TMPRSS11D: variants seen among roughly 807,000 people sequenced by gnomAD.
The protein encoded by TMPRSS11D is transmembrane serine protease 11D.
TMPRSS11D carries 32 observed loss-of-function variants against 44.4 expected under a neutral mutation model. That is an observed-to-expected ratio of 0.72 (90% CI 0.54 to 0.97). The LOEUF (loss-of-function observed/expected upper bound fraction) is 0.97, where lower values mean the gene tolerates loss of function less well. Ranked by LOEUF, TMPRSS11D falls within the 50% of genes least tolerant of loss-of-function variation. TMPRSS11D has a pLI of 0.00. For missense variants in TMPRSS11D, 446 were observed against 502.6 expected (o/e 0.89, Z 1.08); for synonymous variants, 179 against 177.9 (o/e 1.01, Z -0.05).
intron 3 of TMPRSS11D, among the ~76,000 whole-genome samples, chr4:67,849,348 A>C (rs192426859): frequency 1.3e-5 from 2 of 152,336 alleles, no homozygotes; most frequent in African/African-American, 4.8e-5. Flanking sequence ...AAGAATGTCT[A>C]GGCTGGAAAT....
Position 67,825,023 on chromosome 4 carries a change from G to C in TMPRSS11D, c.1095+709C>G, listed in dbSNP as rs545443208. On this transcript the variant is annotated intron_variant, in intron 9 of 9. Transcript: ENST00000283916. ...ACTTTACAGTGAGAATTTCATATTT[G>C]TTGTTTGTTTTTGTGCATTTGGTTA... Among the ~76,000 whole-genome samples the C allele has an allele frequency of 2.6e-5, 4 of 152,058 alleles. No individual in the cohort carries two copies. The East Asian group carries it at 7.7e-4, about 29-fold the overall frequency.
chr4:67,831,701 G>GA (rs1468532902), intron 7 of TMPRSS11D, among the ~76,000 whole-genome samples: 2 of 152,138 alleles, frequency 1.3e-5, no homozygotes, highest in East Asian at 3.8e-4. Context: ...AAGTGGCAAT[G>GA]AAAATTGAAA....
intron 1 of TMPRSS11D, among the ~76,000 whole-genome samples, chr4:67,861,318 C>T (rs765813415): frequency 8.5e-5 from 13 of 152,108 alleles, no homozygotes; most frequent in Non-Finnish European, 1.8e-4. Flanking sequence ...TCAGCTTACC[C>T]ATTTGTTACC....
intron 4 of TMPRSS11D, among the ~76,000 whole-genome samples, chr4:67,838,633 T>G (rs1190696312): frequency 2.0e-5 from 3 of 152,104 alleles, no homozygotes; most frequent in Non-Finnish European, 2.9e-5. Context: ...ATATCTAAGT[T>G]TCTTCACATG....
At chr4:67,833,607 T>G (rs1325816065) in intron 6 of TMPRSS11D, 3 of 365,760 alleles carry the variant, frequency 8.2e-6, no homozygotes, top group African/African-American at 4.2e-5. Context: ...AGTTGGCATA[T>G]AGGCTTCAAA....
rs1454794719 is a variant in TMPRSS11D at position 67,827,406 on chromosome 4, A to G, written c.807T>C (p.His269=). The G allele has an allele frequency of 6.8e-6, 11 of 1,613,184 alleles. No individual in the cohort carries two copies. Among genetic ancestry groups the G allele is most frequent in the Non-Finnish European group, 9.3e-6 (11 of 1,179,554 alleles). ...GTCTCACAAGTGCAATGTCATTTTCATGAGTTGCAGATTTATAATTGTTAT... is the reference window on the plus strand; with the variant it reads ...GTCTCACAAGTGCAATGTCATTTTCGTGAGTTGCAGATTTATAATTGTTAT... The part of the protein sequence containing the change: ...LIHNNYKSAT[H]ENDIALVRLE... Residue 269 remains histidine, a synonymous_variant, in exon 8 of 10, where the codon CAT becomes CAC. Transcript: ENST00000283916.
At chr4:67,880,096 G>T (rs1719285963) in intron 1 of TMPRSS11D, among the ~76,000 whole-genome samples, 1 of 152,036 alleles carries the variant, frequency 6.6e-6, no homozygotes, top group South Asian at 2.1e-4. Flanking sequence ...AAACCATGAA[G>T]AAAATGAAAG....
intron 9 of TMPRSS11D, among the ~76,000 whole-genome samples, chr4:67,823,290 A>G (rs1577799423): frequency 6.6e-6 from 1 of 152,290 alleles, no homozygotes; most frequent in Non-Finnish European, 1.5e-5. Flanking sequence ...CTAATGACAT[A>G]CTTACCACCC....
chr4:67,854,856 A>G (rs906957385), intron 2 of TMPRSS11D, among the ~76,000 whole-genome samples: 2 of 152,232 alleles, frequency 1.3e-5, no homozygotes, highest in Non-Finnish European at 2.9e-5. Flanking sequence ...ACTAACATCA[A>G]TTCTCCTCAA....
At chr4:67,867,351 A>G (rs183072659) in intron 1 of TMPRSS11D, among the ~76,000 whole-genome samples, 3 of 152,310 alleles carry the variant, frequency 2.0e-5, no homozygotes, top group African/African-American at 7.2e-5. Flanking sequence ...TTAAAGACTT[A>G]AATTTATGAT....
At chr4:67,870,751 T>C (rs1157172454) in intron 1 of TMPRSS11D, among the ~76,000 whole-genome samples, 2 of 138,976 alleles carry the variant, frequency 1.4e-5, no homozygotes, top group Non-Finnish European at 3.2e-5. Context: ...GAGGCGGAGC[T>C]TGCAGTGAGC....
rs1008282636 is a variant in TMPRSS11D at position 67,822,271 on chromosome 4, A to G, written c.*66T>C. On this transcript the variant is annotated 3_prime_UTR_variant, in exon 10 of 10. Transcript: ENST00000283916. Reference sequence around the variant, plus strand: ...CTAGTTTCTTTTTCAGTTGAAATGTAAAGCTTTGGAATTTAAGACAGGCAC... The same window carrying G: ...CTAGTTTCTTTTTCAGTTGAAATGTGAAGCTTTGGAATTTAAGACAGGCAC... 8 of 1,526,792 alleles carry G rather than the reference A, an allele frequency of 5.2e-6. No homozygotes were observed. Among genetic ancestry groups the G allele is most frequent in the Admixed American group, 1.9e-5 (1 of 53,678 alleles). The allele number at this position is 1,526,792 out of a possible 1,614,324, so 94.6% of individuals were successfully genotyped here.
At chr4:67,870,746 G>A (rs1363404206) in intron 1 of TMPRSS11D, among the ~76,000 whole-genome samples, 2 of 76,690 alleles carry the variant, frequency 2.6e-5, no homozygotes, top group East Asian at 3.5e-4. Context: ...CCCGGGAGGC[G>A]GAGCTTGCAG....
In TMPRSS11D at chr4:67,854,093, G is replaced by T; in HGVS notation, c.224C>A (p.Thr75Asn). The change falls in exon 3 of 10, where the codon ACT becomes AAT. Residue 75 changes from threonine to asparagine, a missense_variant. Physicochemically the swap from Thr to Asn is moderately conservative, Grantham distance 65 (BLOSUM62 0). Coordinates refer to ENST00000283916, the MANE Select transcript of TMPRSS11D (RefSeq NM_004262.3). The stretch of plus-strand genomic sequence containing the variant: ...CAGAGATTCAATTCTTCCACTCAAA[G>T]TCCTGTATTCCTGTGTAGCTGGTGA... ...LNSPATQEYR[T>N]LSGRIESLIT... 1 of 1,582,690 alleles carries T rather than the reference G, an allele frequency of 6.3e-7. No individual in the cohort carries two copies. The highest frequency in any genetic ancestry group is 8.6e-7 in the Non-Finnish European group (1 of 1,165,054).
intron 9 of TMPRSS11D, among the ~76,000 whole-genome samples, chr4:67,825,266 C>T (rs1421654979): frequency 6.6e-6 from 1 of 151,658 alleles, no homozygotes; most frequent in Admixed American, 6.6e-5. Flanking sequence ...TTTAATCCTT[C>T]ACAGCAGTTA....
intron 1 of TMPRSS11D, among the ~76,000 whole-genome samples, chr4:67,882,534 T>G (rs892340985): frequency 2.0e-5 from 3 of 152,178 alleles, no homozygotes; most frequent in African/African-American, 7.2e-5. Flanking sequence ...TACAACTCTT[T>G]CAGGATTTGT....
chr4:67,846,496 GAA>G (rs1333453688), intron 3 of TMPRSS11D, among the ~76,000 whole-genome samples: 1 of 152,010 alleles, frequency 6.6e-6, no homozygotes, highest in East Asian at 1.9e-4. Context: ...TTTAAGCATT[GAA>G]AAAGTTTCCA....
At chr4:67,851,368 A>G (rs918817776) in intron 3 of TMPRSS11D, among the ~76,000 whole-genome samples, 1 of 152,028 alleles carries the variant, frequency 6.6e-6, no homozygotes, top group Non-Finnish European at 1.5e-5. Context: ...CTCATCTCCC[A>G]ATTTCGGACT....
intron 3 of TMPRSS11D, among the ~76,000 whole-genome samples, chr4:67,847,686 A>G (rs1274846063): frequency 6.6e-6 from 1 of 152,194 alleles, no homozygotes; most frequent in Admixed American, 6.5e-5. Context: ...GCTAGTGTCA[A>G]TCCTGTTTAA....
Sources: allele counts gnomAD v4.1 joint callset (sites outside exome capture counted in the v4.1 genomes callset), GRCh38; gene constraint gnomAD v4.1.1; transcripts MANE v1.5; gene names NCBI Gene and HGNC (gene_info 2026-07-23, HGNC 2026-07-21).